Variants in VIPR2 observed in about 807,000 individuals in gnomAD.
VIPR2 encodes the protein vasoactive intestinal polypeptide receptor 2.
In VIPR2, 48 loss-of-function variants were observed where a neutral mutation model predicts 58.0. The ratio of observed to expected loss-of-function variants is 0.83; its 90% CI spans 0.66 to 1.05. VIPR2 has a LOEUF of 1.05. VIPR2 is among the 50% of genes least tolerant of loss of function. The pLI, the probability that VIPR2 is intolerant of heterozygous loss-of-function variation, is 0.00. For synonymous variants in VIPR2, 243 were observed against 235.2 expected (o/e 1.03, Z -0.30); for missense variants, 534 against 558.0 (o/e 0.96, Z 0.43).
At chr7:159,119,438 C>T (rs543825780) in intron 2 of VIPR2, among the ~76,000 whole-genome samples, 27 of 152,346 alleles carry the variant, frequency 1.8e-4, no homozygotes, top group African/African-American at 6.5e-4. Flanking sequence ...CAGACTCGGA[C>T]TCATGCTTGC....
At chr7:159,111,779 C>T (rs144366068) in intron 2 of VIPR2, among the ~76,000 whole-genome samples, 387 of 152,124 alleles carry the variant, frequency 2.5e-3, no homozygotes, top group Middle Eastern at 6.8e-3. Context: ...CAGGCTGAGG[C>T]GGGATAATCC....
chr7:159,054,060 C>T (rs1265607455), intron 5 of VIPR2, among the ~76,000 whole-genome samples: 3 of 152,138 alleles, frequency 2.0e-5, no homozygotes, highest in Non-Finnish European at 2.9e-5. Flanking sequence ...AACCGGGACT[C>T]GAGGCCCCCA....
At chr7:159,047,753 T>G (rs980352426) in intron 5 of VIPR2, among the ~76,000 whole-genome samples, 7 of 152,222 alleles carry the variant, frequency 4.6e-5, no homozygotes, top group African/African-American at 1.7e-4. Flanking sequence ...ACACAACACC[T>G]GAAAGAAACA....
At chr7:159,034,505 T>C in intron 9 of VIPR2, 76 bp downstream of exon 9, 2 of 1,480,764 alleles carry the variant, frequency 1.4e-6, no homozygotes, top group Non-Finnish European at 1.9e-6. Context: ...TTCTATTTAA[T>C]AAAGGATGGC....
rs1853570194 is a variant in VIPR2, at chr7:159,031,368, C to T, written c.1143+460G>A. ...ACGGGGCCAGGCCGTTGGAGCAGCC[C>T]GGAGACAGCCTCCCTGGCTGGGAAT... On this transcript the variant is annotated intron_variant, in intron 12 of 12. Transcript: ENST00000262178. The surrounding 1 kb of genome is among the most constrained non-coding windows in gnomAD (Gnocchi z 4.0). 1.1e-6 allele frequency: 1 copy of T among 933,790 alleles called. No individual in the cohort carries two copies. Among genetic ancestry groups the T allele is most frequent in the Non-Finnish European group, 1.3e-6 (1 of 782,944 alleles). 57.8% of individuals were successfully genotyped at this position (933,790 alleles called of 1,614,324 possible). A position where few individuals can be genotyped will look rare whatever the true frequency, so the allele number is the denominator to read the frequency against.
chr7:159,034,530 C>A, intron 9 of VIPR2, 51 bp downstream of exon 9: 1 of 1,558,562 alleles, frequency 6.4e-7, no homozygotes, highest in Non-Finnish European at 8.8e-7. Context: ...TTGCTGTCTG[C>A]CCAAGTGTGT....
intron 4 of VIPR2, among the ~76,000 whole-genome samples, chr7:159,061,977 G>A (rs1855697572): frequency 6.6e-6 from 1 of 152,212 alleles, no homozygotes; most frequent in Admixed American, 6.5e-5. Context: ...CGGAAAGCCT[G>A]AAGCCTCTAG....
At chr7:159,037,162 G>A (rs547533287) in intron 6 of VIPR2, among the ~76,000 whole-genome samples, 1 of 152,358 alleles carries the variant, frequency 6.6e-6, no homozygotes, top group Admixed American at 6.5e-5. Context: ...TGCCTGAGGT[G>A]AGCGCACTCA....
At position 159,104,527 on chromosome 7, in the gene VIPR2, A is replaced by AATG. The variant is rs1563331497; in HGVS notation, c.260-674_260-673insCAT. Among the ~76,000 whole-genome samples the AATG allele has an allele frequency of 1.4e-4, 13 of 95,544 alleles. No homozygotes were observed. In the South Asian group the frequency reaches 3.7e-3, roughly 27 times the overall value. The allele number at this position is 95,544 out of a possible 152,430, so 62.7% of individuals were successfully genotyped here. On this transcript the variant is annotated intron_variant, in intron 3 of 12. Coordinates refer to ENST00000262178, the MANE Select transcript of VIPR2 (RefSeq NM_003382.5). Reference sequence around the variant, plus strand: ...CAGCACCCTACCTCCTCCTGGCAGCACCCTCCCTCCTCCCAGCAATGCCCT... The same window carrying AATG: ...CAGCACCCTACCTCCTCCTGGCAGCAATGCCCTCCCTCCTCCCAGCAATGCCCT...
At position 159,096,218 on chromosome 7, in the gene VIPR2, C is replaced by T. The variant is rs1009980813; in HGVS notation, c.357+7539G>A. ...GCCCAAAGACAGGCCTCCTATCCAT[C>T]GAGGCCCGGAGAGTTTCAACCCCTG... On this transcript the variant is annotated intron_variant, in intron 4 of 12. Transcript: ENST00000262178. This position sits in a 1 kb window ranked among gnomAD's most constrained non-coding sequence, Gnocchi z 5.5. Among the ~76,000 whole-genome samples, 3 of 152,230 alleles carry T rather than the reference C, an allele frequency of 2.0e-5. No individual in the cohort carries two copies. Among genetic ancestry groups the T allele is most frequent in the East Asian group, 1.9e-4 (1 of 5,192 alleles).
At position 159,029,344 on chromosome 7, in the gene VIPR2, T is replaced by G. The variant is rs1169399052; in HGVS notation, c.*1272A>C. 2.0e-5 allele frequency: 3 copies of G among 152,218 alleles called. No individual in the cohort carries two copies. In the East Asian group the frequency reaches 5.8e-4, roughly 29 times the overall value. 9.4% of individuals were successfully genotyped at this position (152,218 alleles called of 1,614,324 possible). Reference sequence around the variant, plus strand: ...TGGCACACACATGGAGACTGTGCCCTGATATCCCCACCCTTCTGCAGCTGG... The same window carrying G: ...TGGCACACACATGGAGACTGTGCCCGGATATCCCCACCCTTCTGCAGCTGG... On this transcript the variant is annotated 3_prime_UTR_variant, in exon 13 of 13. Coordinates refer to ENST00000262178, the MANE Select transcript of VIPR2 (RefSeq NM_003382.5).
Position 159,029,476 on chromosome 7 carries a change from A to C in VIPR2, c.*1140T>G, listed in dbSNP as rs1174361241. On this transcript the variant is annotated 3_prime_UTR_variant, in exon 13 of 13. Transcript: ENST00000262178. ...CCAGCTCTGGGGAGGAGGGCTTGAA[A>C]CAGTTTTATATGTTGTTAAAATAAT... is the stretch of plus-strand genomic sequence containing the variant. The C allele has an allele frequency of 6.6e-6, 1 of 152,218 alleles. No individual in the cohort carries two copies. The highest frequency in any genetic ancestry group is 2.4e-5 in the African/African-American group (1 of 41,446). The allele number at this position is 152,218 out of a possible 1,614,324, so 9.4% of individuals were successfully genotyped here.
intron 4 of VIPR2, among the ~76,000 whole-genome samples, chr7:159,075,971 C>T (rs1448063266): frequency 6.6e-6 from 1 of 152,248 alleles, no homozygotes. Context: ...CCAATCTCCA[C>T]ACCCTTTGTG....
intron 4 of VIPR2, among the ~76,000 whole-genome samples, chr7:159,060,764 A>G (rs2540343): frequency 0.85 from 128,544 of 151,802 alleles, 55,778 homozygotes; most frequent in East Asian, 1. Flanking sequence ...CACCTTACCT[A>G]ACCCACCCTC....
At chr7:159,103,893 T>C (rs899273172) in intron 3 of VIPR2, 39 bp from the exon 4 acceptor site, 5 of 1,574,994 alleles carry the variant, frequency 3.2e-6, no homozygotes, top group Admixed American at 1.7e-5. Context: ...TGCAAGTCCA[T>C]GAAAACTGGC....
chr7:159,104,106 G>A (rs1244624484), intron 3 of VIPR2, among the ~76,000 whole-genome samples: 2 of 152,176 alleles, frequency 1.3e-5, no homozygotes, highest in South Asian at 2.1e-4. Context: ...CATAATTACC[G>A]CAACTGTAAG....
chr7:159,144,834 T>G lies in VIPR2; in HGVS notation c.-63A>C. The G allele has an allele frequency of 2.1e-4, 258 of 1,218,568 alleles. No individual in the cohort carries two copies. Among genetic ancestry groups the G allele is most frequent in the South Asian group, 2.5e-4 (6 of 24,378 alleles). The allele number at this position is 1,218,568 out of a possible 1,614,324, so 75.5% of individuals were successfully genotyped here. A position where few individuals can be genotyped will look rare whatever the true frequency, so the allele number is the denominator to read the frequency against. ...CGCCTCCGTCCTAGGTCCCCGCGGTTCCGCCGCCTCCAGCATGGGCCGGGA... is the reference window on the plus strand; with the variant it reads ...CGCCTCCGTCCTAGGTCCCCGCGGTGCCGCCGCCTCCAGCATGGGCCGGGA... On this transcript the variant is annotated 5_prime_UTR_variant, in exon 1 of 13. Coordinates refer to ENST00000262178, the MANE Select transcript of VIPR2 (RefSeq NM_003382.5).
In VIPR2 at chr7:159,075,555, C is replaced by A. The variant is rs1409932426; in HGVS notation, c.358-16977G>T. Among the ~76,000 whole-genome samples the A allele has an allele frequency of 3.3e-5, 5 of 152,162 alleles. No homozygotes were observed. The East Asian group carries it at 7.7e-4, about 23-fold the overall frequency. On this transcript the variant is annotated intron_variant, in intron 4 of 12. Transcript: ENST00000262178. ...GATGAGGGTTGAGGCCAGTGAGGAG[C>A]CCAGGGCTGGCACCCACGGACCCAC...
intron 2 of VIPR2, among the ~76,000 whole-genome samples, chr7:159,115,729 C>T (rs1028361875): frequency 1.6e-4 from 24 of 152,358 alleles, no homozygotes; most frequent in African/African-American, 4.1e-4. Context: ...ACGCCCCTGA[C>T]GTGCTGCCTG....
Sources: gnomAD v4.1 joint callset for allele counts (sites outside exome capture counted in the v4.1 genomes callset) on GRCh38, gnomAD v4.1.1 for gene constraint, Gnocchi (gnomAD v3.1) non-coding constraint, MANE v1.5 for transcripts, NCBI Gene and HGNC (gene_info 2026-07-23, HGNC 2026-07-21) for gene names.